TOPAZ1: variants seen among roughly 807,000 people sequenced by gnomAD.
TOPAZ1 encodes the protein protein TOPAZ1.
In TOPAZ1, 66 loss-of-function variants were observed where a neutral mutation model predicts 172.2. That is an observed-to-expected ratio of 0.38 (90% CI 0.31 to 0.47). The LOEUF is 0.47. Among genes scored for constraint, TOPAZ1 ranks in the 20% least tolerant of loss-of-function variants. The pLI is 0.99. For missense variants in TOPAZ1, 1,822 were observed against 1,972.4 expected (o/e 0.92, Z 1.44); for synonymous variants, 681 against 683.9 (o/e 1.00, Z 0.07).
In TOPAZ1 at chr3:44,269,230, G is replaced by C; in HGVS notation, c.3175G>C (p.Gly1059Arg). Residue 1059 changes from glycine (G) to arginine (R), a missense_variant, in exon 7 of 20, where the codon GGA becomes CGA. Gly to Arg is a moderately radical substitution (Grantham distance 125). Around this residue, in one of 2 missense-constraint regions of TOPAZ1, gnomAD observed 1,489 missense variants for 1,490.8 expected, o/e 1.00. Coordinates refer to ENST00000309765, the MANE Select transcript of TOPAZ1 (RefSeq NM_001145030.2). ...NTWMNDFRFL[G>R]KHSVLKLQNP... ...ATCATTTCTAGATTTCAGATTTCTG[G>C]GAAAACATTCTGTCCTAAAGCTGCA... is the stretch of plus-strand genomic sequence containing the variant. 1.3e-6 allele frequency: 2 copies of C among 1,546,286 alleles called. No homozygotes were observed. The highest frequency in any genetic ancestry group is 1.8e-6 in the Non-Finnish European group (2 of 1,142,606).
At chr3:44,300,633 AGT>A (rs978636807) in intron 12 of TOPAZ1, among the ~76,000 whole-genome samples, 2 of 152,104 alleles carry the variant, frequency 1.3e-5, no homozygotes, top group African/African-American at 4.8e-5. Flanking sequence ...TGCTGGGGAG[AGT>A]GTGGATAAAC....
chr3:44,333,950 G>A (rs1013836701), downstream of TOPAZ1, among the ~76,000 whole-genome samples: 1 of 152,114 alleles, frequency 6.6e-6, no homozygotes, highest in African/African-American at 2.4e-5. Context: ...GGAGCTTAAG[G>A]GTAATTTGGA....
In TOPAZ1 at chr3:44,242,231, AGAGGC is replaced by A; in HGVS notation, c.183_187del (p.Glu62GlyfsTer3). 6.5e-7 allele frequency: 1 copy of A among 1,546,822 alleles called. No homozygotes were observed. Among genetic ancestry groups the A allele is most frequent in the Non-Finnish European group, 8.7e-7 (1 of 1,145,626 alleles). ...AATGGTGGCCCGGGCCACCCCTGGG[AGAGGC>A]GAGGTGGAAAGTGATAAGTCGGTTG... is the stretch of plus-strand genomic sequence containing the variant. On this transcript the variant is annotated frameshift_variant, in exon 1 of 20. Transcript: ENST00000309765. LOFTEE classifies it high-confidence loss of function.
At chr3:44,313,659 TAGAG>T (rs1245119639) in intron 16 of TOPAZ1, among the ~76,000 whole-genome samples, 1 of 151,766 alleles carries the variant, frequency 6.6e-6, no homozygotes, top group Non-Finnish European at 1.5e-5. Context: ...TAGAAAATCT[TAGAG>T]AGTTATTTCC....
downstream of TOPAZ1, among the ~76,000 whole-genome samples, chr3:44,336,280 A>G (rs1167736779): frequency 6.6e-6 from 1 of 152,236 alleles, no homozygotes; most frequent in African/African-American, 2.4e-5. Flanking sequence ...GAACAGGGCT[A>G]AAAAGGAGTA....
chr3:44,332,081 T>G lies in TOPAZ1; in HGVS notation c.*70T>G, dbSNP rs749269289. 62 of 1,117,294 alleles carry G rather than the reference T, an allele frequency of 5.5e-5. No individual in the cohort carries two copies. Among genetic ancestry groups the G allele is most frequent in the Non-Finnish European group, 7.0e-5 (55 of 788,816 alleles). 69.2% of individuals were successfully genotyped at this position (1,117,294 alleles called of 1,614,324 possible). On this transcript the variant is annotated 3_prime_UTR_variant, in exon 20 of 20. Transcript: ENST00000309765. The stretch of plus-strand genomic sequence containing the variant: ...TGTTGAAAATAAAAGGCAATAAAAA[T>G]AGACAGTTTTCACTATATTCAGCTC...
chr3:44,305,218 A>G lies in TOPAZ1; in HGVS notation c.3936A>G (p.Lys1312=). 6.5e-7 allele frequency: 1 copy of G among 1,549,120 alleles called. No individual in the cohort carries two copies. The highest frequency in any genetic ancestry group is 1.2e-5 in the South Asian group (1 of 83,176). Residue 1312 remains lysine, a synonymous_variant, in exon 14 of 20, where the codon AAA becomes AAG. Transcript: ENST00000309765. ...LYINVKMGCE[K]FADFQTFCAC... ...TTAACGTAAAAATGGGCTGTGAAAA[A>G]TTTGCAGATTTCCAGACATTTTGTG...
intron 8 of TOPAZ1, among the ~76,000 whole-genome samples, chr3:44,271,664 T>C (rs944331363): frequency 3.9e-5 from 6 of 152,092 alleles, no homozygotes; most frequent in African/African-American, 1.4e-4. Flanking sequence ...TGGGGTACAG[T>C]GTGATGTTTT....
At chr3:44,317,920 T>C (rs1337088169) in intron 16 of TOPAZ1, among the ~76,000 whole-genome samples, 1 of 152,274 alleles carries the variant, frequency 6.6e-6, no homozygotes, top group Admixed American at 6.5e-5. Flanking sequence ...AAGTGACTTC[T>C]CATTTATCAG....
At chr3:44,273,214 A>G (rs1699917009) in intron 8 of TOPAZ1, among the ~76,000 whole-genome samples, 1 of 152,214 alleles carries the variant, frequency 6.6e-6, no homozygotes, top group African/African-American at 2.4e-5. Flanking sequence ...TTTAATGCTC[A>G]AATAAACTCT....
chr3:44,242,738 A>G (rs1253304598), intron 1 of TOPAZ1, 115 bp from the exon 2 acceptor site: 7 of 822,322 alleles, frequency 8.5e-6, no homozygotes, highest in African/African-American at 1.7e-5. Context: ...GTGTATTTAC[A>G]TACAGCTGTT....
At chr3:44,271,114 T>G (rs927811277) in intron 8 of TOPAZ1, among the ~76,000 whole-genome samples, 1 of 152,202 alleles carries the variant, frequency 6.6e-6, no homozygotes, top group African/African-American at 2.4e-5. Flanking sequence ...ATGCTGTCAG[T>G]GTTCCCCATG....
intron 8 of TOPAZ1, among the ~76,000 whole-genome samples, chr3:44,278,845 T>C (rs1406536209): frequency 6.6e-6 from 1 of 151,440 alleles, no homozygotes; most frequent in Non-Finnish European, 1.5e-5. Context: ...TCAGCCCCAC[T>C]CTGATCTTAT....
chr3:44,258,815 A>G (rs556481157), intron 4 of TOPAZ1, among the ~76,000 whole-genome samples: 24 of 152,102 alleles, frequency 1.6e-4, no homozygotes, highest in Non-Finnish European at 2.5e-4. Context: ...ATGTGTTTTA[A>G]TTTCTCTGGG....
chr3:44,244,618 C>G lies in TOPAZ1; in HGVS notation c.2112C>G (p.Ala704=). Residue 704 remains alanine, a synonymous_variant, in exon 2 of 20, where the codon GCC becomes GCG. Coordinates refer to ENST00000309765, the MANE Select transcript of TOPAZ1 (RefSeq NM_001145030.2). ...CAGAAAAAAGAAAAGAAGTAAATGC[C>G]AAGTCATCAGAGAGAGAAGCTTACA... ...NKSEKRKEVN[A]KSSEREAYSP... 6.4e-7 allele frequency: 1 copy of G among 1,551,064 alleles called. No homozygotes were observed. The highest frequency in any genetic ancestry group is 1.2e-5 in the South Asian group (1 of 83,878).
At chr3:44,263,348 C>G (rs929372434) in intron 5 of TOPAZ1, among the ~76,000 whole-genome samples, 15 of 152,102 alleles carry the variant, frequency 9.9e-5, no homozygotes, top group African/African-American at 3.6e-4. Flanking sequence ...TTGCAGACTG[C>G]AAAGGTTTAT....
Position 44,243,073 on chromosome 3 carries a change from G to A in TOPAZ1, c.567G>A (p.Glu189=). ...ENPPLKITEN[E]ATQNIKVEFQ... The stretch of plus-strand genomic sequence containing the variant: ...CACCTCTCAAAATAACCGAAAATGA[G>A]GCTACACAAAATATTAAGGTTGAAT... Residue 189 remains glutamate (E), a synonymous_variant, in exon 2 of 20, where the codon GAG becomes GAA. Transcript: ENST00000309765. 6.5e-7 allele frequency: 1 copy of A among 1,546,690 alleles called. No individual in the cohort carries two copies. The highest frequency in any genetic ancestry group is 1.4e-5 in the African/African-American group (1 of 72,870).
chr3:44,318,506 G>A (rs1294640178), intron 16 of TOPAZ1, among the ~76,000 whole-genome samples: 7 of 149,812 alleles, frequency 4.7e-5, no homozygotes, highest in African/African-American at 1.7e-4. Flanking sequence ...GGGGAGTGGG[G>A]CGGGGGAGGG....
intron 4 of TOPAZ1, among the ~76,000 whole-genome samples, chr3:44,258,665 G>A (rs958757521): frequency 6.6e-6 from 1 of 151,862 alleles, no homozygotes; most frequent in South Asian, 2.1e-4. Flanking sequence ...TTACTGTTTG[G>A]TAATACTCCA....
Sources: allele counts gnomAD v4.1 joint callset (sites outside exome capture counted in the v4.1 genomes callset), GRCh38; gene constraint gnomAD v4.1.1; regional missense constraint gnomAD v4.1.1; transcripts MANE v1.5; gene names NCBI Gene and HGNC (gene_info 2026-07-23, HGNC 2026-07-21).